The following MFSD8 variants were observed in gnomAD, a reference collection of about 807,000 sequenced individuals.
MFSD8 encodes major facilitator superfamily domain-containing protein 8.
A neutral mutation model predicts 66.4 loss-of-function variants in MFSD8; 55 were observed. That is an observed-to-expected ratio of 0.83 (90% CI 0.67 to 1.04). MFSD8 has a LOEUF of 1.04. Ranked by LOEUF, MFSD8 falls within the 50% of genes least tolerant of loss-of-function variation. MFSD8 has a pLI of 0.00. For missense variants in MFSD8, 550 were observed against 627.6 expected, an observed-to-expected ratio of 0.88 and a Z score of 1.32; for synonymous variants, 202 against 212.8, an observed-to-expected ratio of 0.95 and a Z score of 0.44.
At position 127,943,745 on chromosome 4, in the gene MFSD8, A is replaced by C; in HGVS notation, c.439+7T>G. The C allele has an allele frequency of 6.2e-7, 1 of 1,614,130 alleles. No homozygotes were observed. Among genetic ancestry groups the C allele is most frequent in the Non-Finnish European group, 8.5e-7 (1 of 1,180,012 alleles). On this transcript the variant is annotated splice_region_variant and intron_variant, in intron 4 of 11. Coordinates refer to ENST00000641686, the MANE Select transcript of MFSD8 (RefSeq NM_001371596.2). ...TGACACAACCAAACATATACATACA[A>C]CCTTACCTGCTCCAATTCCCAACAA...
At chr4:127,946,927 C>T (rs1178587012) in intron 3 of MFSD8, among the ~76,000 whole-genome samples, 3 of 147,772 alleles carry the variant, frequency 2.0e-5, no homozygotes, top group African/African-American at 7.6e-5. Flanking sequence ...AAAAAAACCA[C>T]AAAAATTAAA....
At position 127,941,894 on chromosome 4, in the gene MFSD8, G is replaced by C. The variant is rs59117993; in HGVS notation, c.553+151C>G. Reference sequence around the variant, plus strand: ...TAGTGGATTGGCATCAAGATAAAATGAGTGTAGCCTCATTCCTGGATTAAA... The same window carrying C: ...TAGTGGATTGGCATCAAGATAAAATCAGTGTAGCCTCATTCCTGGATTAAA... On this transcript the variant is annotated intron_variant, in intron 5 of 11. Coordinates refer to ENST00000641686, the MANE Select transcript of MFSD8 (RefSeq NM_001371596.2). 23,027 of 647,980 alleles carry C rather than the reference G, an allele frequency of 0.036. 1,779 individuals are homozygous for C. Among genetic ancestry groups the C allele is most frequent in the East Asian group, 0.27 (9,739 of 35,756 alleles). 40.1% of individuals were successfully genotyped at this position (647,980 alleles called of 1,614,324 possible). A position where few individuals can be genotyped will look rare whatever the true frequency, so the allele number is the denominator to read the frequency against.
At chr4:127,931,260 C>G (rs1440843541) in intron 8 of MFSD8, among the ~76,000 whole-genome samples, 1 of 152,132 alleles carries the variant, frequency 6.6e-6, no homozygotes, top group Non-Finnish European at 1.5e-5. Context: ...CTCTCAATGT[C>G]TCTTCCTTTA....
intron 2 of MFSD8, among the ~76,000 whole-genome samples, chr4:127,956,187 A>G (rs567871525): frequency 1.2e-3 from 188 of 151,560 alleles, no homozygotes; most frequent in Middle Eastern, 3.4e-3. Context: ...TAGCAGAACA[A>G]ATAATTGACT....
At chr4:127,927,583 C>T (rs1478140541) in intron 9 of MFSD8, among the ~76,000 whole-genome samples, 2 of 152,348 alleles carry the variant, frequency 1.3e-5, no homozygotes, top group East Asian at 3.9e-4. Context: ...TTAAATAGAA[C>T]TGTCTAAATT....
chr4:127,923,673 G>A (rs1464046101), intron 9 of MFSD8, among the ~76,000 whole-genome samples: 4 of 151,020 alleles, frequency 2.6e-5, no homozygotes, highest in Middle Eastern at 3.4e-3. Flanking sequence ...TCCGCCTCCC[G>A]GGTTCATGCC....
upstream of MFSD8, chr4:127,965,477 C>T (rs1579058122): frequency 4.6e-6 from 2 of 430,380 alleles, no homozygotes; most frequent in African/African-American, 4.0e-5. Context: ...TCTAGCATTT[C>T]GGTTCCTGGA....
At chr4:127,939,604 CAAAAAAAAAAAA>C (rs10553488) in intron 6 of MFSD8, 3 of 81,114 alleles carry the variant, frequency 3.7e-5, no homozygotes, top group East Asian at 3.8e-4. Context: ...GATCTTGTCT[CAAAAAAAAAAAA>C]AAAAAAAAAA....
intron 8 of MFSD8, 48 bp from the exon 9 acceptor site, chr4:127,930,865 T>C (rs941862124): frequency 6.5e-7 from 1 of 1,543,588 alleles, no homozygotes; most frequent in Non-Finnish European, 8.8e-7. Flanking sequence ...ACAGTAACTG[T>C]TATACTTAAA....
chr4:127,965,505 G>A (rs921265931), upstream of MFSD8: 1 of 365,814 alleles, frequency 2.7e-6, no homozygotes. Context: ...CCGGAGCTGC[G>A]ATTGGGGCTG....
rs200591471 is a variant in MFSD8, at chr4:127,939,874, A to G, written c.677T>C (p.Ile226Thr). ...TTACCTTAGTATGGCAAGGATCAGA[A>G]TAATATTTAAAATTCCCAGGAAGGC... is the stretch of plus-strand genomic sequence containing the variant. The part of the protein sequence containing the change: ...LSAFLGILNI[I>T]LILAILREHR... Residue 226 changes from isoleucine (I) to threonine (T), a missense_variant, in exon 6 of 12, where the codon ATT (isoleucine) becomes ACT (threonine). Physicochemically the swap from Ile to Thr is moderately conservative, Grantham distance 89. Transcript: ENST00000641686. 4.0e-5 allele frequency: 65 copies of G among 1,613,270 alleles called. No individual in the cohort carries two copies. The Admixed American group carries it at 8.3e-4, about 21-fold the overall frequency.
At chr4:127,926,620 T>C (rs1737251607) in intron 9 of MFSD8, among the ~76,000 whole-genome samples, 1 of 152,134 alleles carries the variant, frequency 6.6e-6, no homozygotes, top group African/African-American at 2.4e-5. Context: ...CAAGATGTAA[T>C]GTACTTCCTA....
chr4:127,927,180 TTTTTTTTGTTTTTC>T (rs1448580627), intron 9 of MFSD8, among the ~76,000 whole-genome samples: 1 of 152,118 alleles, frequency 6.6e-6, no homozygotes, highest in Admixed American at 6.5e-5. Context: ...AAATGTTTTT[TTTTTTTTGTTTTTC>T]GCTTTTTTTG....
chr4:127,943,895 T>C lies in MFSD8; in HGVS notation c.296A>G (p.Asn99Ser). 6.2e-7 allele frequency: 1 copy of C among 1,614,128 alleles called. No homozygotes were observed. Among genetic ancestry groups the C allele is most frequent in the African/African-American group, 1.3e-5 (1 of 75,040 alleles). Reference protein sequence around the residue: ...VASPIFGLWSNYRPRKEPLIV... With the variant: ...VASPIFGLWSSYRPRKEPLIV... ...AAGAGGCTCTTTTCTTGGTCTATAA[T>C]TAGACCATAAACCAAATATAGGTGA... Residue 99 changes from asparagine to serine, a missense_variant, in exon 4 of 12, where the codon AAT becomes AGT. Physicochemically the swap from Asn to Ser is conservative, Grantham distance 46 (BLOSUM62 1). Transcript: ENST00000641686.
At chr4:127,939,034 A>C in intron 6 of MFSD8, 196 bp from the exon 7 acceptor site, 1 of 413,834 alleles carries the variant, frequency 2.4e-6, no homozygotes, top group Non-Finnish European at 4.3e-6. Flanking sequence ...AAATTATCAT[A>C]AACAGGTAAA....
intron 6 of MFSD8, chr4:127,939,607 A>C: frequency 1.3e-5 from 2 of 157,350 alleles, no homozygotes; most frequent in East Asian, 4.4e-4. Flanking sequence ...CTTGTCTCAA[A>C]AAAAAAAAAA....
intron 6 of MFSD8, 143 bp downstream of exon 6, chr4:127,939,710 G>T: frequency 1.4e-6 from 1 of 703,496 alleles, no homozygotes; most frequent in Non-Finnish European, 2.2e-6. Flanking sequence ...ACATGCTTTA[G>T]TACTACCTGA....
In MFSD8 at chr4:127,942,417, G is replaced by A. The variant is rs538844437; in HGVS notation, c.440-259C>T. Among the ~76,000 whole-genome samples, 9 of 152,178 alleles carry A rather than the reference G, an allele frequency of 5.9e-5. No homozygotes were observed. The South Asian group carries it at 8.3e-4, about 14-fold the overall frequency. ...AATGGTATCATAAGAAAACCAAGCC[G>A]GGCACAGTGGCTCACATCTGTAACC... On this transcript the variant is annotated intron_variant, in intron 4 of 11. Coordinates refer to ENST00000641686, the MANE Select transcript of MFSD8 (RefSeq NM_001371596.2).
At chr4:127,944,013 C>T (rs1740634630) in intron 3 of MFSD8, 21 bp from the exon 4 acceptor site, 2 of 1,613,832 alleles carry the variant, frequency 1.2e-6, no homozygotes, top group African/African-American at 1.3e-5. Context: ...AGGTACAGTG[C>T]TTTAAGAATT....
Sources: gnomAD v4.1 joint callset for allele counts (sites outside exome capture counted in the v4.1 genomes callset) on GRCh38, gnomAD v4.1.1 for gene constraint, MANE v1.5 for transcripts, NCBI Gene and HGNC (gene_info 2026-07-23, HGNC 2026-07-21) for gene names.